The following PRR14L variants were observed in gnomAD, a reference collection of about 807,000 sequenced individuals.
The protein encoded by PRR14L is protein PRR14L.
In PRR14L, 80 loss-of-function variants were observed where a neutral mutation model predicts 155.0. That is an observed-to-expected ratio of 0.52 (90% CI 0.43 to 0.62). The LOEUF is 0.62. Ranked by LOEUF, PRR14L falls within the 20% of genes least tolerant of loss-of-function variation. The probability of loss-of-function intolerance (pLI) is 0.00; values close to 1 mark genes in which losing one functional copy is unlikely to be tolerated. For synonymous variants in PRR14L, 883 were observed against 916.0 expected (o/e 0.96, Z 0.65); for missense variants, 2,469 against 2,548.0 (o/e 0.97, Z 0.67).
intron 6 of PRR14L, among the ~76,000 whole-genome samples, chr22:31,702,011 G>C (rs1002801460): frequency 6.6e-6 from 1 of 152,076 alleles, no homozygotes; most frequent in Non-Finnish European, 1.5e-5. Flanking sequence ...TATTGCCCAG[G>C]CTGGCCAGGA....
chr22:31,712,478 C>G lies in PRR14L; in HGVS notation c.5361G>C (p.Gln1787His). The change falls in exon 4 of 9, where the codon CAG (glutamine) becomes CAC (histidine). Residue 1787 changes from glutamine (Q) to histidine (H), a missense_variant. Physicochemically the swap from Gln to His is conservative, Grantham distance 24 (BLOSUM62 0). Around this residue, in one of 2 missense-constraint regions of PRR14L, gnomAD observed 2,363 missense variants for 2,371.6 expected, o/e 1.00. Coordinates refer to ENST00000327423, the MANE Select transcript of PRR14L (RefSeq NM_173566.3). ...TFREDTGVHS[Q>H]THTQAPPQPP... ...GCTGGGGAGGAGCCTGAGTGTGGGTCTGACTATGGACGCCAGTGTCTTCCC... is the reference window on the plus strand; with the variant it reads ...GCTGGGGAGGAGCCTGAGTGTGGGTGTGACTATGGACGCCAGTGTCTTCCC... 1 of 1,552,784 alleles carries G rather than the reference C, an allele frequency of 6.4e-7. No individual in the cohort carries two copies. The highest frequency in any genetic ancestry group is 8.7e-7 in the Non-Finnish European group (1 of 1,147,458).
rs539764593 is a variant in PRR14L, at chr22:31,703,985, C to T, written c.5829-264G>A. Reference sequence around the variant, plus strand: ...GCTAATTCTGTATTTTTAGTAGAGACGGAGTTTCTCCATGTTGGTCAGGAT... The same window carrying T: ...GCTAATTCTGTATTTTTAGTAGAGATGGAGTTTCTCCATGTTGGTCAGGAT... On this transcript the variant is annotated intron_variant, in intron 5 of 8. Transcript: ENST00000327423. 2.0e-3 allele frequency among the ~76,000 whole-genome samples: 310 copies of T among 151,674 alleles called. 2 individuals carry two copies. The highest frequency in any genetic ancestry group is 7.3e-3 in the African/African-American group (303 of 41,328).
intron 7 of PRR14L, among the ~76,000 whole-genome samples, chr22:31,699,123 G>A (rs1458313958): frequency 1.3e-5 from 2 of 151,712 alleles, no homozygotes; most frequent in Admixed American, 6.6e-5. Flanking sequence ...TGTAACCTCC[G>A]CCTCCCGGGT....
At chr22:31,723,550 G>C (rs2074701910) in intron 3 of PRR14L, among the ~76,000 whole-genome samples, 1 of 152,178 alleles carries the variant, frequency 6.6e-6, no homozygotes, top group South Asian at 2.1e-4. Flanking sequence ...CAACTAAACA[G>C]ATCTTGGGGG....
intron 3 of PRR14L, among the ~76,000 whole-genome samples, chr22:31,717,991 G>C (rs1031338122): frequency 6.9e-6 from 1 of 144,680 alleles, no homozygotes; most frequent in Non-Finnish European, 1.5e-5. Flanking sequence ...GCAGTGGCAC[G>C]ATATTGGCTC....
intron 6 of PRR14L, among the ~76,000 whole-genome samples, chr22:31,702,795 C>A (rs776167963): frequency 6.6e-6 from 1 of 151,516 alleles, no homozygotes; most frequent in Admixed American, 6.6e-5. Flanking sequence ...GAATCACAGG[C>A]GTGAGCCACC....
intron 1 of PRR14L, among the ~76,000 whole-genome samples, chr22:31,745,469 G>C (rs999669029): frequency 3.3e-5 from 5 of 152,222 alleles, no homozygotes; most frequent in African/African-American, 1.2e-4. Flanking sequence ...CAAGACTGCA[G>C]TGACAGAACC....
rs551911437 is a variant in PRR14L, at chr22:31,694,609, G to A, written c.6108-6382C>T. On this transcript the variant is annotated intron_variant, in intron 7 of 8. Transcript: ENST00000327423. The stretch of plus-strand genomic sequence containing the variant: ...AAAAATACAAAAAACAAAATTAGCC[G>A]GGTGTGGTGGCGGGCGCCTGTAGTC... Among the ~76,000 whole-genome samples the A allele has an allele frequency of 1.5e-4, 23 of 151,634 alleles. 1 individual carries two copies. The highest frequency in any genetic ancestry group is 1.2e-3 in the South Asian group (6 of 4,816).
At chr22:31,687,130 C>A (rs191113577) in intron 8 of PRR14L, among the ~76,000 whole-genome samples, 6 of 151,978 alleles carry the variant, frequency 3.9e-5, no homozygotes, top group Non-Finnish European at 8.8e-5. Context: ...CTCCACCCCC[C>A]GGGTTCAAGC....
intron 3 of PRR14L, among the ~76,000 whole-genome samples, chr22:31,718,180 G>T (rs537334194): frequency 4.6e-5 from 7 of 151,144 alleles, no homozygotes; most frequent in Admixed American, 2.6e-4. Context: ...CGCCTGCCTC[G>T]GCCTCCCAAA....
In PRR14L at chr22:31,714,305, A is replaced by G. The variant is rs571143246; in HGVS notation, c.3534T>C (p.Asp1178=). ...ILGRVNLSLN[D]SHYGQQDKGT... ...CTTTATCTTGCTGTCCATAATGGCT[A>G]TCATTTAAAGACAAATTTACTCTGC... The change falls in exon 4 of 9, where the codon GAT becomes GAC. Residue 1178 remains aspartate (D), a synonymous_variant. Coordinates refer to ENST00000327423, the MANE Select transcript of PRR14L (RefSeq NM_173566.3). The G allele has an allele frequency of 9.7e-6, 15 of 1,551,730 alleles. No homozygotes were observed. In the South Asian group the frequency reaches 1.8e-4, roughly 18 times the overall value.
In PRR14L at chr22:31,712,835, C is replaced by T; in HGVS notation, c.5004G>A (p.Glu1668=). ...TAGCTGCCAAATATGGATTCAGCTGCTCTGTGCTGGATGAAAATCCGTCCA... is the reference window on the plus strand; with the variant it reads ...TAGCTGCCAAATATGGATTCAGCTGTTCTGTGCTGGATGAAAATCCGTCCA... ...RLLDGFSSST[E]QLNPYLAASG... The change falls in exon 4 of 9, where the codon GAG becomes GAA. Residue 1668 remains glutamate (E), a synonymous_variant. Transcript: ENST00000327423. 6.4e-7 allele frequency: 1 copy of T among 1,552,112 alleles called. No homozygotes were observed.
chr22:31,737,796 TG>T (rs1039036154), intron 2 of PRR14L, among the ~76,000 whole-genome samples: 40 of 152,022 alleles, frequency 2.6e-4, no homozygotes, highest in Admixed American at 1.3e-4. Flanking sequence ...GTGGATTACT[TG>T]AAGTCAGGAG....
chr22:31,740,835 T>C (rs1308159632), intron 1 of PRR14L, among the ~76,000 whole-genome samples: 3 of 152,014 alleles, frequency 2.0e-5, no homozygotes, highest in Non-Finnish European at 4.4e-5. Context: ...AAAGGCGAAT[T>C]AAAAAAATTA....
At chr22:31,749,457 G>A (rs2074859926) in intron 1 of PRR14L, among the ~76,000 whole-genome samples, 1 of 152,148 alleles carries the variant, frequency 6.6e-6, no homozygotes, top group Admixed American at 6.5e-5. Context: ...AAAGGAGGAA[G>A]GTAAGTCTCT....
chr22:31,687,048 C>A (rs1468762644), intron 8 of PRR14L, among the ~76,000 whole-genome samples: 1 of 151,878 alleles, frequency 6.6e-6, no homozygotes, highest in Non-Finnish European at 1.5e-5. Context: ...TTTTCTTTTT[C>A]ATTTTTGAGA....
In PRR14L at chr22:31,706,428, C is replaced by CTTTTTTTTTTT. The variant is rs771902267; in HGVS notation, c.5757-1703_5757-1702insAAAAAAAAAAA. On this transcript the variant is annotated intron_variant, in intron 4 of 8. Transcript: ENST00000327423. ...TAATTCCTTTATAATTAAACTCTTC[C>CTTTTTTTTTTT]TTTTTCTTTTTTTTGAGACGGAGTC... Among the ~76,000 whole-genome samples, 1,354 of 141,858 alleles carry CTTTTTTTTTTT rather than the reference C, an allele frequency of 9.5e-3. 31 individuals are homozygous for CTTTTTTTTTTT. Among genetic ancestry groups the CTTTTTTTTTTT allele is most frequent in the Non-Finnish European group, 0.012 (809 of 66,606 alleles). The allele number at this position is 141,858 out of a possible 152,430, so 93.1% of individuals were successfully genotyped here. A position where few individuals can be genotyped will look rare whatever the true frequency, so the allele number is the denominator to read the frequency against.
chr22:31,712,510 T>C lies in PRR14L; in HGVS notation c.5329A>G (p.Thr1777Ala). 4 of 1,551,916 alleles carry C rather than the reference T, an allele frequency of 2.6e-6. No homozygotes were observed. Among genetic ancestry groups the C allele is most frequent in the Admixed American group, 2.0e-5 (1 of 51,004 alleles). ...TGGACGCCAGTGTCTTCCCTGAATG[T>C]TGCCATCCCAGGGCAACCGTGGGAC... ...FLSHGCPGMA[T>A]FREDTGVHSQ... The change falls in exon 4 of 9, where the codon ACA (threonine) becomes GCA (alanine). Residue 1777 changes from threonine (T) to alanine (A), a missense_variant. Physicochemically the swap from Thr to Ala is moderately conservative, Grantham distance 58 (BLOSUM62 0). Around this residue, in one of 2 missense-constraint regions of PRR14L, gnomAD observed 2,363 missense variants for 2,371.6 expected, o/e 1.00. Coordinates refer to ENST00000327423, the MANE Select transcript of PRR14L (RefSeq NM_173566.3).
intron 7 of PRR14L, among the ~76,000 whole-genome samples, chr22:31,695,697 G>A (rs2074532165): frequency 6.6e-6 from 1 of 152,078 alleles, no homozygotes; most frequent in African/African-American, 2.4e-5. Flanking sequence ...GCTTGAGAAG[G>A]TGGTTGTTAT....
Sources: allele counts gnomAD v4.1 joint callset (sites outside exome capture counted in the v4.1 genomes callset), GRCh38; gene constraint gnomAD v4.1.1; regional missense constraint gnomAD v4.1.1; transcripts MANE v1.5; gene names NCBI Gene and HGNC (gene_info 2026-07-23, HGNC 2026-07-21).